The following TNKS variants were observed in gnomAD, a reference collection of about 807,000 sequenced individuals.
TNKS encodes the protein poly [ADP-ribose] polymerase tankyrase-1.
TNKS carries 72 observed loss-of-function variants against 135.8 expected under a neutral mutation model. The ratio of observed to expected loss-of-function variants is 0.53; its 90% CI spans 0.44 to 0.64. The LOEUF is 0.64. Among genes scored for constraint, TNKS ranks in the 30% least tolerant of loss-of-function variants. TNKS has a pLI of 0.00. For missense variants in TNKS, 1,769 were observed against 1,674.0 expected, an observed-to-expected ratio of 1.06 and a Z score of -0.99; for synonymous variants, 849 against 649.3, an observed-to-expected ratio of 1.31 and a Z score of -4.68.
At chr8:9,672,322 T>C (rs1322086912) in intron 3 of TNKS, among the ~76,000 whole-genome samples, 1 of 152,060 alleles carries the variant, frequency 6.6e-6, no homozygotes, top group East Asian at 1.9e-4. Context: ...CTGTGAATAA[T>C]GGGGGCTACT....
intron 1 of TNKS, chr8:9,575,531 A>C (rs1449681500): frequency 3.6e-6 from 2 of 549,800 alleles, no homozygotes; most frequent in Non-Finnish European, 4.6e-6. Flanking sequence ...CCATAGTTAC[A>C]AGTTATTTAA....
At chr8:9,674,161 A>G (rs1427510521) in intron 3 of TNKS, among the ~76,000 whole-genome samples, 3 of 152,198 alleles carry the variant, frequency 2.0e-5, no homozygotes, top group African/African-American at 7.2e-5. Context: ...AAAACTGCTT[A>G]CCAATACTAA....
At chr8:9,641,625 A>G (rs1800735685) in intron 3 of TNKS, among the ~76,000 whole-genome samples, 1 of 145,388 alleles carries the variant, frequency 6.9e-6, no homozygotes, top group South Asian at 2.2e-4. Flanking sequence ...TATTTTTCAG[A>G]AAAACATTTT....
intron 20 of TNKS, among the ~76,000 whole-genome samples, chr8:9,758,039 A>G (rs1399802692): frequency 6.6e-6 from 1 of 152,358 alleles, no homozygotes; most frequent in Non-Finnish European, 1.5e-5. Flanking sequence ...AAACAGGGAA[A>G]AGACAGATAC....
At chr8:9,563,821 A>T (rs1193502478) in intron 1 of TNKS, among the ~76,000 whole-genome samples, 1 of 152,206 alleles carries the variant, frequency 6.6e-6, no homozygotes, top group South Asian at 2.1e-4. Flanking sequence ...CGGGGATGTT[A>T]TTCTCCAAAT....
chr8:9,629,476 T>C (rs1230487224), intron 3 of TNKS, among the ~76,000 whole-genome samples: 1 of 152,208 alleles, frequency 6.6e-6, no homozygotes, highest in Admixed American at 6.5e-5. Context: ...ATCTGGCCCC[T>C]ATCTACCTGT....
In TNKS at chr8:9,766,542, G is replaced by C. The variant is rs188789509; in HGVS notation, c.3740+117G>C. 1.2e-5 allele frequency: 11 copies of C among 948,972 alleles called. No homozygotes were observed. In the African/African-American group the frequency reaches 1.6e-4, roughly 13 times the overall value. The allele number at this position is 948,972 out of a possible 1,614,324, so 58.8% of individuals were successfully genotyped here. A position where few individuals can be genotyped will look rare whatever the true frequency, so the allele number is the denominator to read the frequency against. On this transcript the variant is annotated intron_variant, in intron 25 of 26. Coordinates refer to ENST00000310430, the MANE Select transcript of TNKS (RefSeq NM_003747.3). ...GCTCTTGTCACCCAGGCTGGAGTGC[G>C]GTGGCACGATCCTGGCTCACGCAAC...
At chr8:9,606,530 T>TC (rs1346060091) in intron 2 of TNKS, among the ~76,000 whole-genome samples, 2 of 152,234 alleles carry the variant, frequency 1.3e-5, no homozygotes, top group East Asian at 3.9e-4. Context: ...TTCCACAGTT[T>TC]CCCACTTGAT....
chr8:9,582,983 G>A (rs879744736), intron 2 of TNKS, among the ~76,000 whole-genome samples: 6 of 151,794 alleles, frequency 4.0e-5, no homozygotes, highest in Non-Finnish European at 1.5e-5. Context: ...TGGCTAACAC[G>A]GTGAAACCCC....
chr8:9,751,098 G>A (rs1806503954), intron 18 of TNKS, among the ~76,000 whole-genome samples: 1 of 152,192 alleles, frequency 6.6e-6, no homozygotes, highest in African/African-American at 2.4e-5. Flanking sequence ...AGGCATACAT[G>A]ACGGGAGGAA....
chr8:9,655,267 A>G (rs1801310669), intron 3 of TNKS, among the ~76,000 whole-genome samples: 1 of 152,200 alleles, frequency 6.6e-6, no homozygotes. Context: ...GGTGGAGCCC[A>G]CCGCAGCTCA....
At position 9,733,190 on chromosome 8, in the gene TNKS, C is replaced by A. The variant is rs527811502; in HGVS notation, c.2148-89C>A. On this transcript the variant is annotated intron_variant, in intron 14 of 26. Transcript: ENST00000310430. Reference sequence around the variant, plus strand: ...TGCGCAGTGTTCAGTATAGTCAGTACCATAGAAGAATGGTAGGATTTTTAT... The same window carrying A: ...TGCGCAGTGTTCAGTATAGTCAGTAACATAGAAGAATGGTAGGATTTTTAT... 482 of 1,288,792 alleles carry A rather than the reference C, an allele frequency of 3.7e-4. 2 individuals are homozygous for A. The African/African-American group carries it at 6.1e-3, about 16-fold the overall frequency. The allele number at this position is 1,288,792 out of a possible 1,614,324, so 79.8% of individuals were successfully genotyped here. A position where few individuals can be genotyped will look rare whatever the true frequency, so the allele number is the denominator to read the frequency against.
chr8:9,630,235 C>T (rs1337507580), intron 3 of TNKS, among the ~76,000 whole-genome samples: 1 of 152,130 alleles, frequency 6.6e-6, no homozygotes, highest in African/African-American at 2.4e-5. Context: ...ATGGTTCCCG[C>T]ACTCAATAAA....
At chr8:9,679,832 G>A (rs1412345238) in intron 3 of TNKS, 119 bp from the exon 4 acceptor site, 2 of 770,754 alleles carry the variant, frequency 2.6e-6, no homozygotes, top group Non-Finnish European at 2.2e-6. Flanking sequence ...CCATCACCCA[G>A]CGGGGTGTGG....
At chr8:9,758,758 C>T (rs1038828991) in intron 20 of TNKS, among the ~76,000 whole-genome samples, 1 of 152,212 alleles carries the variant, frequency 6.6e-6, no homozygotes, top group Non-Finnish European at 1.5e-5. Flanking sequence ...GGCCTCTCCA[C>T]AGTGACCTTA....
intron 3 of TNKS, among the ~76,000 whole-genome samples, chr8:9,638,810 T>TG (rs1207526670): frequency 6.6e-6 from 1 of 152,062 alleles, no homozygotes; most frequent in Non-Finnish European, 1.5e-5. Flanking sequence ...TTATTTATAA[T>TG]GGAAAAAAAA....
chr8:9,603,585 A>G (rs1442104397), intron 2 of TNKS, among the ~76,000 whole-genome samples: 1 of 152,216 alleles, frequency 6.6e-6, no homozygotes, highest in Non-Finnish European at 1.5e-5. Context: ...TGTTCATTGT[A>G]CTAGAATACC....
chr8:9,734,825 A>G, intron 15 of TNKS, 40 bp from the exon 16 acceptor site: 1 of 1,558,456 alleles, frequency 6.4e-7, no homozygotes, highest in Non-Finnish European at 8.7e-7. Flanking sequence ...CCTACTTACT[A>G]CAGAAAATAC....
chr8:9,587,196 C>G (rs1451476604), intron 2 of TNKS, among the ~76,000 whole-genome samples: 1 of 151,552 alleles, frequency 6.6e-6, no homozygotes, highest in East Asian at 1.9e-4. Flanking sequence ...TCACCAGATT[C>G]CTTAGAAGTA....
Sources: allele counts gnomAD v4.1 joint callset (sites outside exome capture counted in the v4.1 genomes callset), GRCh38; gene constraint gnomAD v4.1.1; transcripts MANE v1.5; gene names NCBI Gene and HGNC (gene_info 2026-07-23, HGNC 2026-07-21).